PRKCQ: variants seen among roughly 807,000 people sequenced by gnomAD.
PRKCQ encodes the protein protein kinase C theta, also known as protein kinase C theta type.
A neutral mutation model predicts 91.2 loss-of-function variants in PRKCQ; 41 were observed. The observed-to-expected ratio is 0.45, with a 90% CI of 0.35 to 0.58. The LOEUF is 0.58. PRKCQ is among the 20% of genes least tolerant of loss of function. PRKCQ has a pLI of 0.00. For missense variants in PRKCQ, 673 were observed against 896.5 expected, an observed-to-expected ratio of 0.75 and a Z score of 3.18; for synonymous variants, 307 against 316.9, an observed-to-expected ratio of 0.97 and a Z score of 0.33.
chr10:6,460,101 T>G (rs1296675094), intron 14 of PRKCQ, among the ~76,000 whole-genome samples: 1 of 152,240 alleles, frequency 6.6e-6, no homozygotes, highest in Non-Finnish European at 1.5e-5. Context: ...TCTGGTGACC[T>G]ATCCTCAGTT....
At chr10:6,432,997 C>G (rs926451002) in intron 16 of PRKCQ, among the ~76,000 whole-genome samples, 6 of 152,172 alleles carry the variant, frequency 3.9e-5, no homozygotes, top group Non-Finnish European at 8.8e-5. Flanking sequence ...CCTCCCCTGA[C>G]AGGGAGCTCT....
Position 6,430,742 on chromosome 10 carries a change from G to A in PRKCQ, c.1965+68C>T. On this transcript the variant is annotated intron_variant, in intron 17 of 17. Transcript: ENST00000263125. This position sits in a 1 kb window ranked among gnomAD's most constrained non-coding sequence, Gnocchi z 4.7. Reference sequence around the variant, plus strand: ...CAGGGGTGAGCAGCTGCGGTGACTTGGACAGGCAGACGGCCCTGAGCGGAG... The same window carrying A: ...CAGGGGTGAGCAGCTGCGGTGACTTAGACAGGCAGACGGCCCTGAGCGGAG... The A allele has an allele frequency of 6.4e-7, 1 of 1,573,472 alleles. No individual in the cohort carries two copies. Among genetic ancestry groups the A allele is most frequent in the South Asian group, 1.2e-5 (1 of 83,574 alleles).
chr10:6,427,137 T>C (rs1192564929), downstream of PRKCQ: 1 of 151,922 alleles, frequency 6.6e-6, no homozygotes, highest in African/African-American at 2.4e-5. Flanking sequence ...AGTAAACGAT[T>C]AAGAGGACTC....
At chr10:6,509,099 C>A (rs1035842794) in intron 3 of PRKCQ, among the ~76,000 whole-genome samples, 1 of 151,962 alleles carries the variant, frequency 6.6e-6, no homozygotes, top group African/African-American at 2.4e-5. Context: ...ACAAAAAAAC[C>A]CACCAAAGCT....
Position 6,491,905 on chromosome 10 carries a change from T to C in PRKCQ, c.661-93A>G, listed in dbSNP as rs193134128. On this transcript the variant is annotated intron_variant, in intron 7 of 17. Coordinates refer to ENST00000263125, the MANE Select transcript of PRKCQ (RefSeq NM_006257.5). The stretch of plus-strand genomic sequence containing the variant: ...ACCTTAGCATAACTAACAGAGATCA[T>C]AATGAAAACACTGGCATTGTGTGCA... 8.6e-6 allele frequency: 13 copies of C among 1,515,898 alleles called. No homozygotes were observed. In the African/African-American group the frequency reaches 1.2e-4, roughly 14 times the overall value. 93.9% of individuals were successfully genotyped at this position (1,515,898 alleles called of 1,614,324 possible).
chr10:6,511,611 C>A (rs1156508295), intron 2 of PRKCQ, among the ~76,000 whole-genome samples: 1 of 152,128 alleles, frequency 6.6e-6, no homozygotes, highest in African/African-American at 2.4e-5. Context: ...CCATGACCAA[C>A]TAAAACTAGG....
chr10:6,552,460 CTTT>C (rs59752400), intron 1 of PRKCQ, among the ~76,000 whole-genome samples: 10 of 137,270 alleles, frequency 7.3e-5, no homozygotes, highest in Middle Eastern at 3.8e-3. Flanking sequence ...ACCTGTTAGT[CTTT>C]TTTTTTTTTT....
At chr10:6,438,764 T>G (rs778913843) in intron 16 of PRKCQ, among the ~76,000 whole-genome samples, 6 of 152,110 alleles carry the variant, frequency 3.9e-5, no homozygotes, top group Admixed American at 6.5e-5. Flanking sequence ...CCTGGCTAAT[T>G]TTTAGATTTT....
downstream of PRKCQ, among the ~76,000 whole-genome samples, chr10:6,422,940 C>T (rs917223258): frequency 2.0e-5 from 3 of 152,204 alleles, no homozygotes; most frequent in Non-Finnish European, 2.9e-5. Context: ...CCTTCTCAGA[C>T]AGTGAGTTGG....
intron 1 of PRKCQ, among the ~76,000 whole-genome samples, chr10:6,545,692 G>A (rs1839925352): frequency 1.3e-5 from 2 of 152,272 alleles, no homozygotes; most frequent in East Asian, 3.9e-4. Flanking sequence ...TACTGTGAAT[G>A]TTCTCATGTC....
intron 15 of PRKCQ, among the ~76,000 whole-genome samples, chr10:6,446,456 C>T (rs1564302277): frequency 6.6e-6 from 1 of 151,050 alleles, no homozygotes; most frequent in African/African-American, 2.4e-5. Context: ...ACCTCCGCCT[C>T]CCAAGTTCAA....
intron 1 of PRKCQ, among the ~76,000 whole-genome samples, chr10:6,571,756 A>G (rs1398001295): frequency 1.3e-5 from 2 of 152,188 alleles, no homozygotes; most frequent in Non-Finnish European, 2.9e-5. Flanking sequence ...GTGAGCCGAG[A>G]TTGAGTCACA....
At chr10:6,419,644 T>C in the PRKCQ span, among the ~76,000 whole-genome samples, 2 of 152,056 alleles carry the variant, frequency 1.3e-5, no homozygotes, top group Non-Finnish European at 2.9e-5. Flanking sequence ...TGGGTTTCTG[T>C]GTATCACCCA....
At chr10:6,431,800 A>C (rs549276761) in intron 16 of PRKCQ, among the ~76,000 whole-genome samples, 1 of 152,332 alleles carries the variant, frequency 6.6e-6, no homozygotes, top group African/African-American at 2.4e-5. Context: ...AGCTCCTGCA[A>C]ACCTGCTGGA....
At chr10:6,559,011 T>C (rs982765260) in intron 1 of PRKCQ, among the ~76,000 whole-genome samples, 6 of 152,322 alleles carry the variant, frequency 3.9e-5, no homozygotes, top group Middle Eastern at 3.4e-3. Flanking sequence ...AGCTTGGGCC[T>C]GGGCTGCATG....
At chr10:6,572,111 C>G (rs948378379) in intron 1 of PRKCQ, among the ~76,000 whole-genome samples, 1 of 152,192 alleles carries the variant, frequency 6.6e-6, no homozygotes, top group Non-Finnish European at 1.5e-5. Flanking sequence ...CAGGGCATGA[C>G]CAACGACTGC....
At chr10:6,575,969 G>A (rs1056011977) in intron 1 of PRKCQ, among the ~76,000 whole-genome samples, 3 of 152,152 alleles carry the variant, frequency 2.0e-5, no homozygotes, top group Admixed American at 6.5e-5. Context: ...GAACCTGGGA[G>A]GTAGAGGTTG....
At chr10:6,570,333 G>A (rs1840994346) in intron 1 of PRKCQ, among the ~76,000 whole-genome samples, 1 of 152,148 alleles carries the variant, frequency 6.6e-6, no homozygotes, top group Admixed American at 6.5e-5. Context: ...AGCAAGACAA[G>A]GAAGTAGCTG....
At chr10:6,532,429 G>A (rs1839427230) in intron 1 of PRKCQ, among the ~76,000 whole-genome samples, 1 of 152,176 alleles carries the variant, frequency 6.6e-6, no homozygotes, top group Non-Finnish European at 1.5e-5. Flanking sequence ...TGTGACAAGA[G>A]ACATTGCTTG....
Sources: allele counts gnomAD v4.1 joint callset (sites outside exome capture counted in the v4.1 genomes callset), GRCh38; gene constraint gnomAD v4.1.1; non-coding constraint Gnocchi (gnomAD v3.1); transcripts MANE v1.5; gene names NCBI Gene and HGNC (gene_info 2026-07-23, HGNC 2026-07-21).